The following PPARGC1A variants were observed in gnomAD, a reference collection of about 807,000 sequenced individuals.
PPARGC1A encodes peroxisome proliferator-activated receptor gamma coactivator 1-alpha.
In PPARGC1A, 25 loss-of-function variants were observed where a neutral mutation model predicts 88.7. That is an observed-to-expected ratio of 0.28 (90% CI 0.21 to 0.39). The LOEUF is 0.39. PPARGC1A is among the 10% of genes least tolerant of loss of function. PPARGC1A has a pLI of 1.00. For missense variants in PPARGC1A, 880 were observed against 968.7 expected (o/e 0.91, Z 1.22); for synonymous variants, 363 against 355.6 (o/e 1.02, Z -0.24).
the PPARGC1A span, among the ~76,000 whole-genome samples, chr4:24,068,378 A>G: frequency 1.3e-5 from 2 of 152,168 alleles, no homozygotes; most frequent in Non-Finnish European, 2.9e-5. Flanking sequence ...TCATTTACTC[A>G]TGGGCTCACT....
At chr4:24,392,475 T>A in the PPARGC1A span, among the ~76,000 whole-genome samples, 1 of 152,196 alleles carries the variant, frequency 6.6e-6, no homozygotes, top group African/African-American at 2.4e-5. Flanking sequence ...AGCTATTTTT[T>A]ATAGAAAGCA....
At chr4:23,926,926 T>C in the PPARGC1A span, among the ~76,000 whole-genome samples, 1 of 152,212 alleles carries the variant, frequency 6.6e-6, no homozygotes, top group African/African-American at 2.4e-5. Context: ...ATATCTTCCA[T>C]GCACATAACA....
At chr4:23,913,259 TATATATATAGAGAGAGAG>T in the PPARGC1A span, among the ~76,000 whole-genome samples, 92 of 49,002 alleles carry the variant, frequency 1.9e-3, 1 homozygote, top group African/African-American at 6.0e-3. Context: ...TATATATATA[TATATATATAGAGAGAGAG>T]AGAGAGAGAG....
chr4:24,069,466 G>A, the PPARGC1A span, among the ~76,000 whole-genome samples: 1 of 152,106 alleles, frequency 6.6e-6, no homozygotes, highest in Non-Finnish European at 1.5e-5. Flanking sequence ...TTCCTTCTTT[G>A]AAGTCACCTT....
chr4:23,911,924 T>C, the PPARGC1A span, among the ~76,000 whole-genome samples: 2 of 152,172 alleles, frequency 1.3e-5, no homozygotes, highest in African/African-American at 2.4e-5. Context: ...AAAGCACCTG[T>C]TTTTATAAAG....
the PPARGC1A span, among the ~76,000 whole-genome samples, chr4:24,420,314 T>C: frequency 2.7e-4 from 41 of 152,336 alleles, no homozygotes; most frequent in African/African-American, 9.9e-4. Flanking sequence ...TGATGGGATG[T>C]GCTTTTTTTA....
chr4:23,928,988 G>T, the PPARGC1A span, among the ~76,000 whole-genome samples: 3 of 152,020 alleles, frequency 2.0e-5, no homozygotes, highest in African/African-American at 7.2e-5. Context: ...GATGCGGTTG[G>T]GGGAGGGAGA....
the PPARGC1A span, among the ~76,000 whole-genome samples, chr4:24,401,348 T>C: frequency 1.3e-5 from 2 of 152,162 alleles, no homozygotes; most frequent in Admixed American, 6.5e-5. Flanking sequence ...ATATTAGCAT[T>C]GTCATGAGGG....
intron 2 of PPARGC1A, among the ~76,000 whole-genome samples, chr4:23,879,499 T>C (rs57684373): frequency 0.11 from 16,761 of 152,292 alleles, 1,338 homozygotes; most frequent in African/African-American, 0.22. Context: ...CACGAGGTTC[T>C]GCTTCTCTTT....
At chr4:24,254,012 AT>A in the PPARGC1A span, among the ~76,000 whole-genome samples, 1 of 152,170 alleles carries the variant, frequency 6.6e-6, no homozygotes, top group South Asian at 2.1e-4. Context: ...TAATAATATT[AT>A]TTTTATCATC....
At chr4:24,262,394 A>G in the PPARGC1A span, among the ~76,000 whole-genome samples, 2 of 152,210 alleles carry the variant, frequency 1.3e-5, no homozygotes, top group African/African-American at 4.8e-5. Flanking sequence ...CACTTCCACC[A>G]TGAAGGTGTG....
chr4:24,174,077 G>A, the PPARGC1A span, among the ~76,000 whole-genome samples: 1 of 152,178 alleles, frequency 6.6e-6, no homozygotes. Context: ...CGCTGTGATG[G>A]TCTTGGTAAA....
the PPARGC1A span, among the ~76,000 whole-genome samples, chr4:24,211,805 A>G: frequency 6.6e-6 from 1 of 152,236 alleles, no homozygotes; most frequent in Non-Finnish European, 1.5e-5. Context: ...TTAAATGAGC[A>G]AAACAATAAT....
chr4:24,164,856 G>A, the PPARGC1A span, among the ~76,000 whole-genome samples: 2 of 152,036 alleles, frequency 1.3e-5, no homozygotes, highest in Non-Finnish European at 2.9e-5. Flanking sequence ...GAAGGAAGGC[G>A]GGCAAGCAGA....
chr4:24,155,517 C>T, the PPARGC1A span, among the ~76,000 whole-genome samples: 1 of 151,356 alleles, frequency 6.6e-6, no homozygotes, highest in African/African-American at 2.4e-5. Context: ...ATGAGGATTG[C>T]TTAAGCCCTG....
chr4:24,289,632 G>A, the PPARGC1A span, among the ~76,000 whole-genome samples: 1 of 152,180 alleles, frequency 6.6e-6, no homozygotes, highest in Non-Finnish European at 1.5e-5. Flanking sequence ...TCCTCAATAT[G>A]AGGAGGAATC....
At chr4:24,354,662 G>A in the PPARGC1A span, among the ~76,000 whole-genome samples, 1 of 152,006 alleles carries the variant, frequency 6.6e-6, no homozygotes, top group Admixed American at 6.5e-5. Context: ...CAAGGCGTGT[G>A]GATCATGAGG....
intron 2 of PPARGC1A, among the ~76,000 whole-genome samples, chr4:23,838,888 A>G (rs1726531089): frequency 7.7e-6 from 1 of 130,088 alleles, no homozygotes; most frequent in East Asian, 2.2e-4. Flanking sequence ...ATTCTCTGAT[A>G]TTCAATTGTA....
the PPARGC1A span, among the ~76,000 whole-genome samples, chr4:24,292,113 T>C: frequency 6.6e-6 from 1 of 152,144 alleles, no homozygotes. Context: ...TCAGCCACGC[T>C]GAAGTTTCCC....
Sources: allele counts gnomAD v4.1 joint callset (sites outside exome capture counted in the v4.1 genomes callset), GRCh38; gene constraint gnomAD v4.1.1; transcripts MANE v1.5; gene names NCBI Gene and HGNC (gene_info 2026-07-23, HGNC 2026-07-21).